Variants in ZFHX2 observed in about 807,000 individuals in gnomAD.
The protein encoded by ZFHX2 is zinc finger homeobox 2, also known as zinc finger homeobox protein 2.
In ZFHX2, 75 loss-of-function variants were observed where a neutral mutation model predicts 164.8. The ratio of observed to expected loss-of-function variants is 0.46; its 90% CI spans 0.38 to 0.55. The LOEUF (loss-of-function observed/expected upper bound fraction) is 0.55. ZFHX2 is among the 20% of genes least tolerant of loss of function. ZFHX2 has a pLI of 0.00. For missense variants in ZFHX2, 2,933 were observed against 3,308.0 expected (o/e 0.89, Z 2.78); for synonymous variants, 1,217 against 1,351.4 (o/e 0.90, Z 2.18).
chr14:23,531,378 C>T, intron 4 of ZFHX2, 103 bp downstream of exon 4: 2 of 1,327,458 alleles, frequency 1.5e-6, no homozygotes, highest in East Asian at 2.8e-5. Context: ...GGCCTACAGG[C>T]CCTCTTCGCC....
intron 1 of ZFHX2, among the ~76,000 whole-genome samples, chr14:23,544,910 C>G (rs796777488): frequency 8.5e-5 from 13 of 152,196 alleles, no homozygotes; most frequent in African/African-American, 3.1e-4. Flanking sequence ...CCTTTCCTGT[C>G]CCCCATTGTT....
At chr14:23,555,488 G>A (rs1882287301), upstream of ZFHX2, among the ~76,000 whole-genome samples, 1 of 152,070 alleles carries the variant, frequency 6.6e-6, no homozygotes, top group African/African-American at 2.4e-5. Flanking sequence ...GGCTATTCCT[G>A]TCTCCATCTA....
chr14:23,524,210 C>G lies in ZFHX2; in HGVS notation c.5732G>C (p.Arg1911Pro). ...VQVWFQNTRA[R>P]ERKGQFRSTP... Reference sequence around the variant, plus strand: ...GCTTCGAAACTGGCCTTTCCTCTCCCGGGCCCTGGTATTCTGGAACCAGAC... The same window carrying G: ...GCTTCGAAACTGGCCTTTCCTCTCCGGGGCCCTGGTATTCTGGAACCAGAC... Residue 1911 changes from arginine to proline, a missense_variant, in exon 9 of 10, where the codon CGG becomes CCG. By Grantham distance (103) the Arg-to-Pro change is moderately radical. Transcript: ENST00000419474. The surrounding 1 kb of genome is among the most constrained non-coding windows in gnomAD (Gnocchi z 5.6). 1 of 1,536,484 alleles carries G rather than the reference C, an allele frequency of 6.5e-7. No homozygotes were observed. The highest frequency in any genetic ancestry group is 8.7e-7 in the Non-Finnish European group (1 of 1,147,024).
At position 23,523,903 on chromosome 14, in the gene ZFHX2, T is replaced by C; in HGVS notation, c.6039A>G (p.Pro2013=). Residue 2013 remains proline, a synonymous_variant, in exon 9 of 10, where the codon CCA becomes CCG. Coordinates refer to ENST00000419474, the MANE Select transcript of ZFHX2 (RefSeq NM_033400.3). This position sits in a 1 kb window ranked among gnomAD's most constrained non-coding sequence, Gnocchi z 4.1. ...CCTCACTCTCTGGAGAAGCTTTAGG[T>C]GGTTCCTCTGGGCCCTCTTCCTCAC... ...PPSEEEGPEE[P]PKASPESEAC... is the part of the protein sequence containing the mutation. 6.5e-7 allele frequency: 1 copy of C among 1,536,166 alleles called. No individual in the cohort carries two copies. The highest frequency in any genetic ancestry group is 1.2e-5 in the South Asian group (1 of 84,056).
At position 23,521,760 on chromosome 14, in the gene ZFHX2, G is replaced by T; in HGVS notation, c.*202C>A. The T allele has an allele frequency of 2.3e-6, 2 of 886,452 alleles. No homozygotes were observed. Among genetic ancestry groups the T allele is most frequent in the Non-Finnish European group, 3.3e-6 (2 of 606,028 alleles). The allele number at this position is 886,452 out of a possible 1,614,324, so 54.9% of individuals were successfully genotyped here. ...AGGAGCTGAGGAGGAGGATCAATGT[G>T]TGTGTCTGTGGGGATTGGGAGGAGG... On this transcript the variant is annotated 3_prime_UTR_variant, in exon 10 of 10. Coordinates refer to ENST00000419474, the MANE Select transcript of ZFHX2 (RefSeq NM_033400.3).
In ZFHX2 at chr14:23,532,595, G is replaced by T. The variant is rs771496347; in HGVS notation, c.2531C>A (p.Ala844Asp). ...EKMQLHARGA[A>D]HEENSQIYKF... ...ATAGATTTGGCTGTTTTCTTCGTGGGCTGCACCCCTGGCATGCAGCTGCAT... is the reference window on the plus strand; with the variant it reads ...ATAGATTTGGCTGTTTTCTTCGTGGTCTGCACCCCTGGCATGCAGCTGCAT... Residue 844 changes from alanine to aspartate, a missense_variant, in exon 3 of 10, where the codon GCC (alanine) becomes GAC (aspartate). Coordinates refer to ENST00000419474, the MANE Select transcript of ZFHX2 (RefSeq NM_033400.3). 8 of 1,446,452 alleles carry T rather than the reference G, an allele frequency of 5.5e-6. No individual in the cohort carries two copies. Among genetic ancestry groups the T allele is most frequent in the Non-Finnish European group, 7.3e-6 (8 of 1,103,240 alleles). 89.6% of individuals were successfully genotyped at this position (1,446,452 alleles called of 1,614,324 possible). A position where few individuals can be genotyped will look rare whatever the true frequency, so the allele number is the denominator to read the frequency against.
intron 1 of ZFHX2, among the ~76,000 whole-genome samples, chr14:23,549,291 C>A (rs1881719848): frequency 6.6e-6 from 1 of 152,144 alleles, no homozygotes; most frequent in African/African-American, 2.4e-5. Context: ...CATTTCTCTA[C>A]CCCATGTGTT....
intron 6 of ZFHX2, chr14:23,528,728 ACAC>A: frequency 1.0e-6 from 1 of 985,314 alleles, no homozygotes; most frequent in Non-Finnish European, 1.2e-6. Flanking sequence ...ATGTGAATAA[ACAC>A]CACAGCTCCC....
intron 6 of ZFHX2, chr14:23,528,900 A>G (rs920383285): frequency 1.1e-6 from 1 of 915,040 alleles, no homozygotes; most frequent in South Asian, 5.0e-5. Context: ...TGTGTCAGGG[A>G]GGGGATGACT....
At position 23,533,678 on chromosome 14, in the gene ZFHX2, G is replaced by T. The variant is rs3742489; in HGVS notation, c.1648C>A (p.Pro550Thr). 188,732 of 1,538,162 alleles carry T rather than the reference G, an allele frequency of 0.12. 12,188 individuals are homozygous for T. The highest frequency in any genetic ancestry group is 0.15 in the South Asian group (12,305 of 84,198). The change falls in exon 2 of 10, where the codon CCA (proline) becomes ACA (threonine). Residue 550 changes from proline (P) to threonine (T), a missense_variant. By Grantham distance (38) the Pro-to-Thr change is conservative. Coordinates refer to ENST00000419474, the MANE Select transcript of ZFHX2 (RefSeq NM_033400.3). The surrounding 1 kb of genome is among the most constrained non-coding windows in gnomAD (Gnocchi z 4.8). Reference protein sequence around the residue: ...QAGPGGQGSPPEASLPPSAGD... With the variant: ...QAGPGGQGSPTEASLPPSAGD... ...GCGGAGGGTGGGAGTGATGCCTCTG[G>T]TGGACTTCCCTGCCCACCAGGGCCC...
intron 1 of ZFHX2, among the ~76,000 whole-genome samples, chr14:23,541,062 A>G (rs1431858982): frequency 1.3e-5 from 2 of 151,808 alleles, no homozygotes; most frequent in African/African-American, 4.8e-5. Flanking sequence ...GCATGCCACC[A>G]GGCCTGGCTA....
At chr14:23,540,773 T>C (rs1880713127) in intron 1 of ZFHX2, among the ~76,000 whole-genome samples, 1 of 152,216 alleles carries the variant, frequency 6.6e-6, no homozygotes, top group Non-Finnish European at 1.5e-5. Flanking sequence ...ATAGGTAACG[T>C]GTAAAGTGCA....
Position 23,534,473 on chromosome 14 carries a change from A to T in ZFHX2, c.853T>A (p.Cys285Ser), listed in dbSNP as rs145454038. The T allele has an allele frequency of 6.0e-5, 92 of 1,536,280 alleles. 1 individual carries two copies. In the East Asian group the frequency reaches 2.2e-3, roughly 38 times the overall value. Reference sequence around the variant, plus strand: ...TCCAGAAAGCTTATGAGGGCCTTGCAGCCTTCATCTCCCTCCTGGAGTACA... The same window carrying T: ...TCCAGAAAGCTTATGAGGGCCTTGCTGCCTTCATCTCCCTCCTGGAGTACA... ...PAVLQEGDEG[C>S]KALISFLEPK... Residue 285 changes from cysteine (C) to serine (S), a missense_variant, in exon 2 of 10, where the codon TGC becomes AGC. Transcript: ENST00000419474. The surrounding 1 kb of genome is among the most constrained non-coding windows in gnomAD (Gnocchi z 4.5).
rs1879742634 is a variant in ZFHX2 at position 23,532,904 on chromosome 14, A to G, written c.2222T>C (p.Ile741Thr). The change falls in exon 3 of 10, where the codon ATA (isoleucine) becomes ACA (threonine). Residue 741 changes from isoleucine to threonine, a missense_variant. Ile to Thr is a moderately conservative substitution (Grantham distance 89). Coordinates refer to ENST00000419474, the MANE Select transcript of ZFHX2 (RefSeq NM_033400.3). ...TTCAGCTTCCGGGAGGCTCCGGCCT[A>G]TGCTGCAGTGGTAGAGCAGCAGCTC... ...SLELLLYHCS[I>T]GRSLPEAEWK... is the part of the protein sequence containing the mutation. The G allele has an allele frequency of 6.5e-7, 1 of 1,536,100 alleles. No homozygotes were observed. The highest frequency in any genetic ancestry group is 8.7e-7 in the Non-Finnish European group (1 of 1,146,924).
rs1276822543 is a variant in ZFHX2 at position 23,534,715 on chromosome 14, T to A, written c.611A>T (p.His204Leu). The change falls in exon 2 of 10, where the codon CAT (histidine) becomes CTT (leucine). Residue 204 changes from histidine to leucine, a missense_variant. Transcript: ENST00000419474. This position sits in a 1 kb window ranked among gnomAD's most constrained non-coding sequence, Gnocchi z 4.5. ...CAGCTGGTAGCTCCAGAAAGCTCCA[T>A]GCCTTTCCTCACAGGCAGCCGGAGA... is the stretch of plus-strand genomic sequence containing the variant. ...APSPAACEER[H>L]GAFWSYQLAP... 4.6e-6 allele frequency: 7 copies of A among 1,536,188 alleles called. No homozygotes were observed. In the South Asian group the frequency reaches 7.1e-5, roughly 16 times the overall value.
At chr14:23,545,954 T>C (rs1179635158) in intron 1 of ZFHX2, among the ~76,000 whole-genome samples, 1 of 152,186 alleles carries the variant, frequency 6.6e-6, no homozygotes, top group Non-Finnish European at 1.5e-5. Context: ...CTGCCCTCCT[T>C]CACTGAGAAG....
intron 4 of ZFHX2, 24 bp downstream of exon 4, chr14:23,531,457 A>C (rs534571548): frequency 1.5e-6 from 2 of 1,369,412 alleles, no homozygotes; most frequent in South Asian, 3.5e-5. Flanking sequence ...CCCAGCTCTT[A>C]TTCTCCAGTC....
intron 1 of ZFHX2, among the ~76,000 whole-genome samples, chr14:23,550,417 G>A (rs965992346): frequency 4.6e-5 from 7 of 152,218 alleles, no homozygotes; most frequent in Non-Finnish European, 7.3e-5. Context: ...ATCCTAGACC[G>A]ACAGAACAGG....
chr14:23,540,313 C>G (rs2138848231), intron 1 of ZFHX2, among the ~76,000 whole-genome samples: 1 of 152,314 alleles, frequency 6.6e-6, no homozygotes, highest in South Asian at 2.1e-4. Context: ...TTGCCTTTCA[C>G]TTTTCTAATT....
Sources: allele counts gnomAD v4.1 joint callset (sites outside exome capture counted in the v4.1 genomes callset), GRCh38; gene constraint gnomAD v4.1.1; non-coding constraint Gnocchi (gnomAD v3.1); transcripts MANE v1.5; gene names NCBI Gene and HGNC (gene_info 2026-07-23, HGNC 2026-07-21).